The following MAG variants were observed in gnomAD, a reference collection of about 807,000 sequenced individuals.
The protein encoded by MAG is myelin-associated glycoprotein.
A neutral mutation model predicts 60.7 loss-of-function variants in MAG; 30 were observed. The observed-to-expected ratio is 0.49, with a 90% CI of 0.37 to 0.67. The LOEUF is 0.67. MAG is among the 30% of genes least tolerant of loss of function. MAG has a pLI of 0.00. For missense variants in MAG, 795 were observed against 851.7 expected (o/e 0.93, Z 0.83); for synonymous variants, 384 against 376.8 (o/e 1.02, Z -0.22).
intron 4 of MAG, among the ~76,000 whole-genome samples, chr19:35,298,474 A>G (rs12981940): frequency 0.42 from 62,528 of 150,478 alleles, 12,878 homozygotes; most frequent in Middle Eastern, 0.46. Context: ...CACACACCAC[A>G]TACTACAGAA....
In MAG at chr19:35,310,101, A is replaced by G; in HGVS notation, c.1459A>G (p.Ile487Val). Reference protein sequence around the residue: ...RGQAQAPPRVICTARNLYGAK... With the variant: ...RGQAQAPPRVVCTARNLYGAK... Reference sequence around the variant, plus strand: ...GCAGGCCCAGGCCCCGCCCCGCGTCATCTGCACCGCGAGGAACCTCTATGG... The same window carrying G: ...GCAGGCCCAGGCCCCGCCCCGCGTCGTCTGCACCGCGAGGAACCTCTATGG... Residue 487 changes from isoleucine to valine, a missense_variant, in exon 8 of 11, where the codon ATC becomes GTC. Physicochemically the swap from Ile to Val is conservative, Grantham distance 29. Coordinates refer to ENST00000392213, the MANE Select transcript of MAG (RefSeq NM_002361.4). 1.2e-6 allele frequency: 2 copies of G among 1,612,746 alleles called. No individual in the cohort carries two copies. Among genetic ancestry groups the G allele is most frequent in the Middle Eastern group, 3.3e-4 (2 of 6,056 alleles).
intron 7 of MAG, among the ~76,000 whole-genome samples, chr19:35,304,269 C>T (rs544761187): frequency 5.5e-4 from 84 of 152,146 alleles, no homozygotes; most frequent in Non-Finnish European, 4.1e-4. Flanking sequence ...TCCAACTGTG[C>T]GTGCTATCCT....
intron 7 of MAG, among the ~76,000 whole-genome samples, chr19:35,309,370 G>T (rs899629862): frequency 1.3e-5 from 2 of 152,162 alleles, no homozygotes; most frequent in Non-Finnish European, 2.9e-5. Flanking sequence ...TGAGGGTCAG[G>T]GTATGGGTTT....
At chr19:35,306,207 ACT>A (rs1239640645) in intron 7 of MAG, among the ~76,000 whole-genome samples, 2 of 83,020 alleles carry the variant, frequency 2.4e-5, no homozygotes, top group Non-Finnish European at 4.7e-5. Context: ...CCACCCCCCC[ACT>A]CCCCCACAAA....
rs2066433383 is a variant in MAG, at chr19:35,299,831, C to T, written c.693C>T (p.Tyr231=). Residue 231 remains tyrosine, a synonymous_variant, in exon 5 of 11, where the codon TAC becomes TAT. Coordinates refer to ENST00000392213, the MANE Select transcript of MAG (RefSeq NM_002361.4). ...FPNTTLQFEG[Y]ASMDVKYPPV... The stretch of plus-strand genomic sequence containing the variant: ...ACACCACCCTGCAGTTCGAGGGCTA[C>T]GCCAGCATGGACGTCAAGTGTGAGC... 4.0e-6 allele frequency: 6 copies of T among 1,503,572 alleles called. No homozygotes were observed. Among genetic ancestry groups the T allele is most frequent in the African/African-American group, 1.4e-5 (1 of 70,500 alleles). 93.1% of individuals were successfully genotyped at this position (1,503,572 alleles called of 1,614,324 possible). A position where few individuals can be genotyped will look rare whatever the true frequency, so the allele number is the denominator to read the frequency against.
intron 6 of MAG, 101 bp from the exon 7 acceptor site, chr19:35,302,347 T>G (rs2066454408): frequency 7.0e-7 from 1 of 1,422,950 alleles, no homozygotes; most frequent in Non-Finnish European, 9.6e-7. Flanking sequence ...ACCGGTGTGC[T>G]AGGTTTGGGG....
At chr19:35,307,421 C>A (rs1197894322) in intron 7 of MAG, among the ~76,000 whole-genome samples, 1 of 152,160 alleles carries the variant, frequency 6.6e-6, no homozygotes, top group Non-Finnish European at 1.5e-5. Context: ...CACTGAGAAC[C>A]AGTGCTCAGT....
At position 35,295,178 on chromosome 19, in the gene MAG, T is replaced by C. The variant is rs545237381; in HGVS notation, c.-23-208T>C. 6.6e-6 allele frequency among the ~76,000 whole-genome samples: 1 copy of C among 152,224 alleles called. No homozygotes were observed. The highest frequency in any genetic ancestry group is 1.5e-5 in the Non-Finnish European group (1 of 68,008). Reference sequence around the variant, plus strand: ...AAGAGGATAACACGAGCTCAGGATTTTGAGGCTATAGTGAGCTGTTATTGT... The same window carrying C: ...AAGAGGATAACACGAGCTCAGGATTCTGAGGCTATAGTGAGCTGTTATTGT... On this transcript the variant is annotated intron_variant, in intron 2 of 10. Transcript: ENST00000392213. The surrounding 1 kb of genome is among the most constrained non-coding windows in gnomAD (Gnocchi z 5.8).
intron 7 of MAG, among the ~76,000 whole-genome samples, chr19:35,308,596 T>A (rs1292410099): frequency 4.6e-5 from 7 of 152,168 alleles, no homozygotes; most frequent in Non-Finnish European, 8.8e-5. Flanking sequence ...CTCCAGTAAC[T>A]ATCATGAGTA....
intron 4 of MAG, among the ~76,000 whole-genome samples, chr19:35,296,473 A>G (rs2066398900): frequency 1.3e-5 from 2 of 152,290 alleles, no homozygotes; most frequent in South Asian, 2.1e-4. Context: ...GGTGTTCTGA[A>G]TTTTCAAGAT....
At chr19:35,307,744 A>G (rs892943309) in intron 7 of MAG, among the ~76,000 whole-genome samples, 2 of 151,268 alleles carry the variant, frequency 1.3e-5, no homozygotes, top group Non-Finnish European at 3.0e-5. Context: ...AAATGAAAGA[A>G]AAAACCTACC....
rs879138750 is a variant in MAG at position 35,295,539 on chromosome 19, G to A, written c.47-74G>A. On this transcript the variant is annotated intron_variant, in intron 3 of 10. Coordinates refer to ENST00000392213, the MANE Select transcript of MAG (RefSeq NM_002361.4). This position sits in a 1 kb window ranked among gnomAD's most constrained non-coding sequence, Gnocchi z 5.8. ...GGTCCCCGCAGCCCCCCGGCATGTG[G>A]TTGGGGATGGGAGCCGGAGGGGGTG... 8 of 1,604,722 alleles carry A rather than the reference G, an allele frequency of 5.0e-6. No homozygotes were observed. The South Asian group carries it at 7.8e-5, about 16-fold the overall frequency.
chr19:35,310,624 A>G lies in MAG; in HGVS notation c.1597A>G (p.Ile533Val). The change falls in exon 9 of 11, where the codon ATT becomes GTT. Residue 533 changes from isoleucine to valine, a missense_variant. Transcript: ENST00000392213. ...CATCCTGATTGCCATCGTCTGCTACATTACCCAGACACGCAGGAAGTGAGT... is the reference window on the plus strand; with the variant it reads ...CATCCTGATTGCCATCGTCTGCTACGTTACCCAGACACGCAGGAAGTGAGT... ...FAILIAIVCY[I>V]TQTRRKKNVT... is the part of the protein sequence containing the mutation. 1.9e-6 allele frequency: 3 copies of G among 1,614,058 alleles called. No homozygotes were observed. The highest frequency in any genetic ancestry group is 2.5e-6 in the Non-Finnish European group (3 of 1,180,016).
chr19:35,299,985 T>C, intron 5 of MAG, 135 bp downstream of exon 5: 8 of 182,712 alleles, frequency 4.4e-5, no homozygotes, highest in Non-Finnish European at 5.8e-5. Context: ...CAGGCAGGGA[T>C]TGGGGGGTTG....
chr19:35,298,635 A>G (rs929280713), intron 4 of MAG, among the ~76,000 whole-genome samples: 1 of 149,434 alleles, frequency 6.7e-6, no homozygotes, highest in African/African-American at 2.5e-5. Context: ...CATACCACAC[A>G]CTACACACAG....
chr19:35,299,131 C>A (rs928291783), intron 4 of MAG, among the ~76,000 whole-genome samples: 1 of 152,280 alleles, frequency 6.6e-6, no homozygotes, highest in South Asian at 2.1e-4. Flanking sequence ...AGAGGAGAGC[C>A]GCTTGGGAAG....
At chr19:35,311,244 C>T (rs535794515) in intron 9 of MAG, among the ~76,000 whole-genome samples, 3 of 151,598 alleles carry the variant, frequency 2.0e-5, no homozygotes, top group South Asian at 4.2e-4. Flanking sequence ...TGAGGTGGAA[C>T]GATTCTTGAG....
At position 35,294,223 on chromosome 19, in the gene MAG, T is replaced by C; in HGVS notation, c.-79-12T>C. On this transcript the variant is annotated splice_polypyrimidine_tract_variant and intron_variant, in intron 1 of 10. Transcript: ENST00000392213. Reference sequence around the variant, plus strand: ...CGCCCCCTTGCACCTGAGTGACTCTTGTTGCATGCAGGTTGTCTGGCGGCT... The same window carrying C: ...CGCCCCCTTGCACCTGAGTGACTCTCGTTGCATGCAGGTTGTCTGGCGGCT... 1 of 433,640 alleles carries C rather than the reference T, an allele frequency of 2.3e-6. No individual in the cohort carries two copies. Among genetic ancestry groups the C allele is most frequent in the South Asian group, 1.6e-5 (1 of 60,962 alleles). The allele number at this position is 433,640 out of a possible 1,614,324, so 26.9% of individuals were successfully genotyped here.
chr19:35,303,285 C>G (rs1210932141), intron 7 of MAG, among the ~76,000 whole-genome samples: 1 of 152,204 alleles, frequency 6.6e-6, no homozygotes, highest in African/African-American at 2.4e-5. Context: ...TCTGCACTAA[C>G]CGAAACAATG....
Sources: allele counts gnomAD v4.1 joint callset (sites outside exome capture counted in the v4.1 genomes callset), GRCh38; gene constraint gnomAD v4.1.1; non-coding constraint Gnocchi (gnomAD v3.1); transcripts MANE v1.5; gene names NCBI Gene and HGNC (gene_info 2026-07-23, HGNC 2026-07-21).